BLTP1: variants seen among roughly 807,000 people sequenced by gnomAD.
BLTP1 encodes the protein fragile site-associated protein.
the BLTP1 span, among the ~76,000 whole-genome samples, chr4:122,173,848 T>C: frequency 2.0e-5 from 3 of 152,196 alleles, no homozygotes; most frequent in Non-Finnish European, 4.4e-5. Context: ...CTTGGATATG[T>C]ATTAAATGTG....
chr4:122,197,404 G>A, the BLTP1 span: 1 of 934,532 alleles, frequency 1.1e-6, no homozygotes, highest in Non-Finnish European at 1.4e-6. Context: ...ATTTTGATGT[G>A]CCTATACTCA....
the BLTP1 span, among the ~76,000 whole-genome samples, chr4:122,244,382 G>T: frequency 6.6e-6 from 1 of 151,940 alleles, no homozygotes; most frequent in African/African-American, 2.4e-5. Context: ...TCAACCTTCT[G>T]TATTGGTGGG....
chr4:122,165,893 A>G, the BLTP1 span, among the ~76,000 whole-genome samples: 13 of 150,650 alleles, frequency 8.6e-5, no homozygotes, highest in African/African-American at 1.7e-4. Context: ...GTCTGTTCAT[A>G]TCCTTCGCCC....
the BLTP1 span, chr4:122,192,207 T>A: frequency 7.5e-6 from 12 of 1,609,280 alleles, no homozygotes; most frequent in Admixed American, 2.0e-4. Flanking sequence ...ACTGCCTTTA[T>A]ATTGTATGTT....
the BLTP1 span, chr4:122,264,136 A>G: frequency 7.9e-7 from 1 of 1,272,822 alleles, no homozygotes; most frequent in Non-Finnish European, 1.0e-6. Flanking sequence ...TTTCAATTTA[A>G]TCAGTCTTGA....
At chr4:122,320,396 C>T in the BLTP1 span, among the ~76,000 whole-genome samples, 1 of 152,126 alleles carries the variant, frequency 6.6e-6, no homozygotes, top group South Asian at 2.1e-4. Flanking sequence ...GGCAATCCTC[C>T]TGCTTTCGAC....
chr4:122,170,613 A>G, the BLTP1 span: 1 of 1,521,690 alleles, frequency 6.6e-7, no homozygotes, highest in South Asian at 1.3e-5. Flanking sequence ...GAAATCTTTT[A>G]GGCCTTTAGA....
At chr4:122,272,522 G>A in the BLTP1 span, 1 of 795,756 alleles carries the variant, frequency 1.3e-6, no homozygotes, top group East Asian at 2.7e-5. Context: ...TTTTTTCCCA[G>A]AAAAACTGGA....
chr4:122,270,964 G>A, the BLTP1 span: 1 of 1,494,598 alleles, frequency 6.7e-7, no homozygotes, highest in Non-Finnish European at 8.9e-7. Flanking sequence ...AAAGATGTAT[G>A]TTTCTGGAAA....
At chr4:122,351,218 TTA>T in the BLTP1 span, 2 of 821,062 alleles carry the variant, frequency 2.4e-6, no homozygotes, top group Non-Finnish European at 2.9e-6. Flanking sequence ...AATAACTTTA[TTA>T]TCACAGAAGT....
chr4:122,223,185 A>G, the BLTP1 span: 1 of 966,522 alleles, frequency 1.0e-6, no homozygotes, highest in African/African-American at 1.8e-5. Context: ...TGATTATTGT[A>G]GTCACAATTT....
chr4:122,220,998 A>C, the BLTP1 span: 2 of 637,594 alleles, frequency 3.1e-6, no homozygotes, highest in South Asian at 7.0e-5. Context: ...TTCTGGGTAG[A>C]TTATAATTTT....
chr4:122,361,792 T>C, the BLTP1 span, among the ~76,000 whole-genome samples: 2 of 152,206 alleles, frequency 1.3e-5, no homozygotes, highest in Admixed American at 6.5e-5. Flanking sequence ...GGATGAAATA[T>C]AGTAAACACT....
At chr4:122,169,537 T>C in the BLTP1 span, 2 of 704,852 alleles carry the variant, frequency 2.8e-6, no homozygotes, top group East Asian at 2.7e-4. Flanking sequence ...TAGGTTGGGT[T>C]AGTCATATGT....
chr4:122,329,893 C>G, the BLTP1 span, among the ~76,000 whole-genome samples: 1 of 151,706 alleles, frequency 6.6e-6, no homozygotes, highest in Non-Finnish European at 1.5e-5. Context: ...CCCCCAGACC[C>G]TTAACCCCTG....
chr4:122,249,172 A>G, the BLTP1 span: 7 of 638,370 alleles, frequency 1.1e-5, no homozygotes, highest in Non-Finnish European at 1.4e-5. Flanking sequence ...TGAGATGATG[A>G]AAGTATTTAA....
the BLTP1 span, among the ~76,000 whole-genome samples, chr4:122,158,582 A>G: frequency 6.6e-5 from 10 of 152,254 alleles, no homozygotes; most frequent in African/African-American, 2.4e-4. Context: ...CCTGGCTAAC[A>G]CGGTGAAACC....
the BLTP1 span, chr4:122,286,522 CTT>C: frequency 1.9e-6 from 3 of 1,613,396 alleles, no homozygotes; most frequent in Admixed American, 1.7e-5. Flanking sequence ...CAAACAATAA[CTT>C]TTCTCATTTC....
At chr4:122,199,386 T>G in the BLTP1 span, 1 of 1,613,606 alleles carries the variant, frequency 6.2e-7, no homozygotes, top group Admixed American at 1.7e-5. Flanking sequence ...AAGGGACAAC[T>G]CTTACATGTG....
Sources: gnomAD v4.1 joint callset for allele counts (sites outside exome capture counted in the v4.1 genomes callset) on GRCh38, gnomAD v4.1.1 for gene constraint, MANE v1.5 for transcripts, NCBI Gene and HGNC (gene_info 2026-07-23, HGNC 2026-07-21) for gene names.